Variants in ZNF521 observed in about 807,000 individuals in gnomAD.
ZNF521 encodes the protein zinc finger protein 521, also known as LYST-interacting protein 3.
Under a neutral mutation model 105.5 loss-of-function variants are expected in ZNF521, and 14 were observed. The ratio of observed to expected loss-of-function variants is 0.13; its 90% CI spans 0.09 to 0.21. The LOEUF (loss-of-function observed/expected upper bound fraction) is 0.21. ZNF521 is among the 10% of genes least tolerant of loss of function. The pLI, the probability that ZNF521 is intolerant of heterozygous loss-of-function variation, is 1.00. For synonymous variants in ZNF521, 635 were observed against 606.0 expected (o/e 1.05, Z -0.70); for missense variants, 1,233 against 1,629.7 (o/e 0.76, Z 4.19).
At chr18:25,290,655 G>T (rs1910964980) in intron 3 of ZNF521, among the ~76,000 whole-genome samples, 1 of 134,108 alleles carries the variant, frequency 7.5e-6, no homozygotes, top group African/African-American at 2.9e-5. Flanking sequence ...TTGTCACCCA[G>T]ACTGGAGTAC....
At chr18:25,223,987 A>G (rs1905914141) in intron 4 of ZNF521, 1 of 255,128 alleles carries the variant, frequency 3.9e-6, no homozygotes, top group Non-Finnish European at 7.6e-6. Flanking sequence ...CTTTTGAGTC[A>G]TTATCTCTCT....
At chr18:25,086,522 G>A (rs952528031) in intron 7 of ZNF521, among the ~76,000 whole-genome samples, 4 of 152,098 alleles carry the variant, frequency 2.6e-5, no homozygotes, top group Admixed American at 6.5e-5. Flanking sequence ...GAGGATTTCA[G>A]AAACTAGACC....
At chr18:25,179,477 C>T (rs761375909) in intron 5 of ZNF521, among the ~76,000 whole-genome samples, 20 of 151,772 alleles carry the variant, frequency 1.3e-4, no homozygotes, top group Non-Finnish European at 2.4e-4. Flanking sequence ...TGTGTGTTTA[C>T]GTGTGTGCAT....
chr18:25,090,599 C>A (rs759597415), intron 6 of ZNF521, among the ~76,000 whole-genome samples: 2 of 152,142 alleles, frequency 1.3e-5, no homozygotes, highest in Non-Finnish European at 2.9e-5. Context: ...ACAGAAAATG[C>A]AGACTGTGCA....
intron 5 of ZNF521, among the ~76,000 whole-genome samples, chr18:25,103,039 T>C (rs899147808): frequency 9.2e-5 from 14 of 152,098 alleles, no homozygotes; most frequent in Admixed American, 9.2e-4. Context: ...TCTTCTCCTT[T>C]TAGGGAAGGG....
intron 5 of ZNF521, among the ~76,000 whole-genome samples, chr18:25,192,518 A>G (rs145040766): frequency 6.6e-6 from 1 of 152,178 alleles, no homozygotes; most frequent in Non-Finnish European, 1.5e-5. Flanking sequence ...TCATCTGTAG[A>G]TCTTGTTTTC....
chr18:25,344,846 G>A (rs1411818193), intron 2 of ZNF521, among the ~76,000 whole-genome samples: 2 of 152,198 alleles, frequency 1.3e-5, no homozygotes, highest in Non-Finnish European at 2.9e-5. Context: ...CAGCCATGAG[G>A]AATGTATTCT....
At chr18:25,342,680 G>T (rs879086829) in intron 2 of ZNF521, among the ~76,000 whole-genome samples, 2 of 151,952 alleles carry the variant, frequency 1.3e-5, no homozygotes, top group South Asian at 4.2e-4. Context: ...CGCCCGCCTC[G>T]GCCTCCCAAA....
intron 3 of ZNF521, among the ~76,000 whole-genome samples, chr18:25,307,237 A>G (rs898472514): frequency 4.9e-4 from 74 of 152,274 alleles, no homozygotes; most frequent in African/African-American, 1.6e-3. Flanking sequence ...TCCTTCTCCA[A>G]TCTAACTCTG....
chr18:25,350,245 G>A (rs1235871390), intron 2 of ZNF521, among the ~76,000 whole-genome samples: 1 of 152,132 alleles, frequency 6.6e-6, no homozygotes, highest in Non-Finnish European at 1.5e-5. Flanking sequence ...GGGGCGGCGG[G>A]GAGAAGTAGG....
At chr18:25,106,014 T>TTTG (rs377472841) in intron 5 of ZNF521, among the ~76,000 whole-genome samples, 16 of 152,028 alleles carry the variant, frequency 1.1e-4, no homozygotes, top group Non-Finnish European at 1.6e-4. Flanking sequence ...TGGTATTCGT[T>TTTG]TTGTTGTTGT....
chr18:25,071,850 C>T (rs1567948536), intron 7 of ZNF521, among the ~76,000 whole-genome samples: 1 of 152,120 alleles, frequency 6.6e-6, no homozygotes, highest in Non-Finnish European at 1.5e-5. Context: ...CACCTTATGT[C>T]AGAGGCTTTG....
intron 4 of ZNF521, among the ~76,000 whole-genome samples, chr18:25,215,070 T>C (rs1304678270): frequency 6.6e-6 from 1 of 152,096 alleles, no homozygotes; most frequent in Non-Finnish European, 1.5e-5. Context: ...AAGCTGAAAA[T>C]TTAAGACTGG....
intron 2 of ZNF521, among the ~76,000 whole-genome samples, chr18:25,334,588 TAGTGAAC>T (rs1292489156): frequency 1.2e-4 from 18 of 152,230 alleles, no homozygotes; most frequent in Non-Finnish European, 2.2e-4. Context: ...TTGTCAAAAA[TAGTGAAC>T]TCAACTCTCC....
Position 25,225,503 on chromosome 18 carries a change from G to A in ZNF521, c.2415C>T (p.His805=). Residue 805 remains histidine, a synonymous_variant, in exon 4 of 8, where the codon CAC becomes CAT. Coordinates refer to ENST00000361524, the MANE Select transcript of ZNF521 (RefSeq NM_015461.3). This position sits in a 1 kb window ranked among gnomAD's most constrained non-coding sequence, Gnocchi z 5.6. ...EVELQCHITT[H]SKKYNCKFCS... Reference sequence around the variant, plus strand: ...AGAACTTGCAGTTGTACTTCTTACTGTGAGTGGTGATGTGGCATTGCAGCT... The same window carrying A: ...AGAACTTGCAGTTGTACTTCTTACTATGAGTGGTGATGTGGCATTGCAGCT... The A allele has an allele frequency of 6.2e-7, 1 of 1,614,230 alleles. No homozygotes were observed. Among genetic ancestry groups the A allele is most frequent in the Non-Finnish European group, 8.5e-7 (1 of 1,180,042 alleles).
At chr18:25,333,312 C>CTATA (rs1465419892) in intron 2 of ZNF521, among the ~76,000 whole-genome samples, 53 of 135,734 alleles carry the variant, frequency 3.9e-4, no homozygotes, top group East Asian at 8.4e-4. Context: ...CTCTCTCTCT[C>CTATA]TCTATATATA....
At chr18:25,104,245 A>G (rs2034027223) in intron 5 of ZNF521, among the ~76,000 whole-genome samples, 1 of 152,204 alleles carries the variant, frequency 6.6e-6, no homozygotes, top group South Asian at 2.1e-4. Context: ...ATTGTATACT[A>G]TGTCAATATA....
Position 25,131,541 on chromosome 18 carries a change from T to C in ZNF521, c.3659-39460A>G, listed in dbSNP as rs2144396422. The stretch of plus-strand genomic sequence containing the variant: ...AGTTGATCATGGTACCTAGCTTTCC[T>C]AAGACAAATATCTATCATGACATAA... On this transcript the variant is annotated intron_variant, in intron 5 of 7. Transcript: ENST00000361524. Among the ~76,000 whole-genome samples the C allele has an allele frequency of 1.3e-5, 2 of 152,284 alleles. 1 individual carries two copies. The highest frequency in any genetic ancestry group is 3.9e-4 in the East Asian group (2 of 5,170).
intron 7 of ZNF521, among the ~76,000 whole-genome samples, chr18:25,066,996 C>T (rs1168273839): frequency 6.6e-6 from 1 of 152,066 alleles, no homozygotes; most frequent in African/African-American, 2.4e-5. Context: ...AGAAGAACAT[C>T]AGTGCAACAT....
Sources: allele counts gnomAD v4.1 joint callset (sites outside exome capture counted in the v4.1 genomes callset), GRCh38; gene constraint gnomAD v4.1.1; non-coding constraint Gnocchi (gnomAD v3.1); transcripts MANE v1.5; gene names NCBI Gene and HGNC (gene_info 2026-07-23, HGNC 2026-07-21).